Variants in UNC5D observed in about 807,000 individuals in gnomAD.
UNC5D encodes netrin receptor UNC5D.
UNC5D carries 39 observed loss-of-function variants against 105.4 expected under a neutral mutation model. The observed-to-expected ratio is 0.37, with a 90% CI of 0.29 to 0.48. UNC5D has a LOEUF of 0.48. Ranked by LOEUF, UNC5D falls within the 20% of genes least tolerant of loss-of-function variation. The pLI, the probability that UNC5D is intolerant of heterozygous loss-of-function variation, is 0.98. For missense variants in UNC5D, 991 were observed against 1,202.4 expected (o/e 0.82, Z 2.60); for synonymous variants, 452 against 450.4 (o/e 1.00, Z -0.04).
intron 1 of UNC5D, among the ~76,000 whole-genome samples, chr8:35,377,342 C>T (rs1802759549): frequency 1.3e-5 from 2 of 152,132 alleles, no homozygotes; most frequent in Admixed American, 6.5e-5. Context: ...GTCCTATTTG[C>T]ATTTCAGGTC....
chr8:35,625,176 G>C (rs182672894), intron 4 of UNC5D, among the ~76,000 whole-genome samples: 2 of 151,976 alleles, frequency 1.3e-5, no homozygotes, highest in African/African-American at 2.4e-5. Flanking sequence ...CTTGATTTTT[G>C]AGTGTTCTGC....
chr8:35,313,407 T>C (rs78147523), intron 1 of UNC5D, among the ~76,000 whole-genome samples: 3,090 of 152,236 alleles, frequency 0.02, 113 homozygotes, highest in African/African-American at 0.072. Context: ...TTCTCTTCCA[T>C]GAAATGGAAT....
At chr8:35,495,089 C>T (rs570573711) in intron 1 of UNC5D, among the ~76,000 whole-genome samples, 1 of 152,118 alleles carries the variant, frequency 6.6e-6, no homozygotes, top group Admixed American at 6.5e-5. Flanking sequence ...AAAGTAGTGA[C>T]TGAGTTGAGA....
intron 1 of UNC5D, among the ~76,000 whole-genome samples, chr8:35,522,794 T>G (rs1424385240): frequency 6.6e-6 from 1 of 152,218 alleles, no homozygotes; most frequent in Non-Finnish European, 1.5e-5. Context: ...AAAGTAGATT[T>G]GGACCCCTCT....
intron 1 of UNC5D, among the ~76,000 whole-genome samples, chr8:35,401,997 G>A (rs573508962): frequency 5.4e-4 from 82 of 152,160 alleles, no homozygotes; most frequent in African/African-American, 1.8e-3. Flanking sequence ...GCTTTTTCTC[G>A]TGTACATACC....
chr8:35,731,038 G>A lies in UNC5D; in HGVS notation c.1708G>A (p.Ala570Thr), dbSNP rs373661783. Residue 570 changes from alanine (A) to threonine (T), a missense_variant, in exon 11 of 17, where the codon GCC becomes ACC. By Grantham distance (58) the Ala-to-Thr change is moderately conservative. Coordinates refer to ENST00000404895, the MANE Select transcript of UNC5D (RefSeq NM_080872.4). ...TGVSLLIPHG[A>T]IPEENSWEIY... ...GGTGAGCTTACTCATACCACACGGT[G>A]CCATCCCAGAGGAGAATTCTTGGGA... 39 of 1,613,832 alleles carry A rather than the reference G, an allele frequency of 2.4e-5. No individual in the cohort carries two copies. Among genetic ancestry groups the A allele is most frequent in the Non-Finnish European group, 2.7e-5 (32 of 1,179,892 alleles).
At chr8:35,332,563 C>T (rs535225462) in intron 1 of UNC5D, among the ~76,000 whole-genome samples, 1 of 152,298 alleles carries the variant, frequency 6.6e-6, no homozygotes, top group South Asian at 2.1e-4. Flanking sequence ...ATGGTCAGAC[C>T]ATGATAGTTT....
intron 11 of UNC5D, among the ~76,000 whole-genome samples, chr8:35,737,592 A>G (rs1369580012): frequency 6.6e-6 from 1 of 152,186 alleles, no homozygotes; most frequent in African/African-American, 2.4e-5. Context: ...AGCTTTTGCC[A>G]CAGCATGTGA....
chr8:35,711,469 C>T (rs779286690), intron 8 of UNC5D, among the ~76,000 whole-genome samples: 23 of 152,044 alleles, frequency 1.5e-4, no homozygotes, highest in Non-Finnish European at 3.1e-4. Flanking sequence ...CATGAGCCAC[C>T]GCGCTGGCCC....
At chr8:35,341,295 G>T (rs549417823) in intron 1 of UNC5D, among the ~76,000 whole-genome samples, 2 of 152,082 alleles carry the variant, frequency 1.3e-5, no homozygotes, top group Non-Finnish European at 2.9e-5. Context: ...GGAAAAAAAG[G>T]CATGACCTAC....
At chr8:35,353,411 G>C (rs1018629076) in intron 1 of UNC5D, among the ~76,000 whole-genome samples, 1 of 152,144 alleles carries the variant, frequency 6.6e-6, no homozygotes, top group Non-Finnish European at 1.5e-5. Context: ...TACTGTTGTC[G>C]TGTCGGTGGA....
chr8:35,278,261 A>G (rs775904915), intron 1 of UNC5D, among the ~76,000 whole-genome samples: 16 of 152,178 alleles, frequency 1.1e-4, no homozygotes, highest in Non-Finnish European at 2.1e-4. Flanking sequence ...CACACTCATC[A>G]GCAGCCCTGA....
chr8:35,369,296 T>C (rs1802300419), intron 1 of UNC5D, among the ~76,000 whole-genome samples: 1 of 152,300 alleles, frequency 6.6e-6, no homozygotes, highest in African/African-American at 2.4e-5. Context: ...CCATCTAGAA[T>C]TGAACTATAC....
intron 1 of UNC5D, among the ~76,000 whole-genome samples, chr8:35,364,579 T>C (rs911130466): frequency 2.6e-5 from 4 of 152,312 alleles, no homozygotes; most frequent in East Asian, 1.9e-4. Flanking sequence ...AGGCATGTTA[T>C]TGTTATTGGA....
chr8:35,435,740 G>A (rs1806963309), intron 1 of UNC5D, among the ~76,000 whole-genome samples: 1 of 152,018 alleles, frequency 6.6e-6, no homozygotes, highest in Non-Finnish European at 1.5e-5. Context: ...TCAAGTGTTG[G>A]ACACTGTCTC....
At chr8:35,666,149 G>T (rs1003973864) in intron 4 of UNC5D, among the ~76,000 whole-genome samples, 14 of 151,872 alleles carry the variant, frequency 9.2e-5, no homozygotes, top group Non-Finnish European at 1.3e-4. Context: ...TGGAATGAGG[G>T]TTGCATGGGA....
At chr8:35,530,627 GT>G (rs1434011396) in intron 1 of UNC5D, among the ~76,000 whole-genome samples, 52 of 55,670 alleles carry the variant, frequency 9.3e-4, no homozygotes, top group African/African-American at 7.2e-3. Flanking sequence ...AATGGTACCA[GT>G]TCCTCCTTGT....
intron 1 of UNC5D, among the ~76,000 whole-genome samples, chr8:35,402,181 C>A (rs181251186): frequency 6.6e-6 from 1 of 152,166 alleles, no homozygotes; most frequent in East Asian, 1.9e-4. Context: ...TGTCATTATC[C>A]CCTCTCCACC....
At chr8:35,737,078 T>C (rs962130084) in intron 11 of UNC5D, among the ~76,000 whole-genome samples, 2 of 152,188 alleles carry the variant, frequency 1.3e-5, no homozygotes, top group South Asian at 2.1e-4. Context: ...TTATTAATAG[T>C]GTTTCTTTTC....
Sources: gnomAD v4.1 joint callset for allele counts (sites outside exome capture counted in the v4.1 genomes callset) on GRCh38, gnomAD v4.1.1 for gene constraint, MANE v1.5 for transcripts, NCBI Gene and HGNC (gene_info 2026-07-23, HGNC 2026-07-21) for gene names.